Variants in CYTH1 observed in about 807,000 individuals in gnomAD.
The protein encoded by CYTH1 is cytohesin-1.
CYTH1 carries 18 observed loss-of-function variants against 61.8 expected under a neutral mutation model. The ratio of observed to expected loss-of-function variants is 0.29; its 90% CI spans 0.20 to 0.43. The LOEUF (loss-of-function observed/expected upper bound fraction) is 0.43. Ranked by LOEUF, CYTH1 falls within the 20% of genes least tolerant of loss-of-function variation. The probability of loss-of-function intolerance (pLI) is 1.00; values close to 1 mark genes in which losing one functional copy is unlikely to be tolerated. For missense variants in CYTH1, 336 were observed against 510.5 expected (o/e 0.66, Z 3.29); for synonymous variants, 174 against 184.3 (o/e 0.94, Z 0.45).
At chr17:78,726,375 A>T (rs1019839297) in intron 1 of CYTH1, among the ~76,000 whole-genome samples, 1 of 151,984 alleles carries the variant, frequency 6.6e-6, no homozygotes, top group Non-Finnish European at 1.5e-5. Flanking sequence ...CTGCATGGAA[A>T]CGAGGCCCCC....
intron 1 of CYTH1, among the ~76,000 whole-genome samples, chr17:78,769,950 C>T (rs1010544785): frequency 1.1e-4 from 16 of 151,750 alleles, no homozygotes; most frequent in East Asian, 1.9e-4. Flanking sequence ...AGGAGATAGA[C>T]GCCATCCTGG....
chr17:78,759,844 A>G (rs2093415116), intron 1 of CYTH1, among the ~76,000 whole-genome samples: 1 of 152,214 alleles, frequency 6.6e-6, no homozygotes, highest in Non-Finnish European at 1.5e-5. Flanking sequence ...CTCAAGCCAG[A>G]GCCTGCCTGT....
chr17:78,728,151 C>T (rs1480737360), intron 1 of CYTH1, among the ~76,000 whole-genome samples: 2 of 152,212 alleles, frequency 1.3e-5, no homozygotes, highest in African/African-American at 4.8e-5. Flanking sequence ...GCCAGCCTCT[C>T]ATCTAGACAG....
chr17:78,778,788 T>C (rs1195234417), intron 1 of CYTH1, among the ~76,000 whole-genome samples: 3 of 151,812 alleles, frequency 2.0e-5, no homozygotes, highest in Non-Finnish European at 4.4e-5. Context: ...TAAAAAATAA[T>C]AATAATAAAA....
At chr17:78,701,481 G>A (rs536029568) in intron 6 of CYTH1, among the ~76,000 whole-genome samples, 190 bp downstream of exon 6, 9 of 152,300 alleles carry the variant, frequency 5.9e-5, no homozygotes, top group Non-Finnish European at 1.0e-4. Flanking sequence ...GAACGTAACA[G>A]AATTGAATTC....
At chr17:78,716,359 C>A (rs951456201) in intron 1 of CYTH1, among the ~76,000 whole-genome samples, 2 of 152,120 alleles carry the variant, frequency 1.3e-5, no homozygotes, top group African/African-American at 4.8e-5. Flanking sequence ...AAACAAAAGA[C>A]TAAAAATGTA....
chr17:78,697,185 T>C (rs571869636), intron 9 of CYTH1, among the ~76,000 whole-genome samples: 27 of 152,252 alleles, frequency 1.8e-4, no homozygotes, highest in African/African-American at 6.0e-4. Context: ...GTGTCAGTAA[T>C]GACCAAGAGA....
In CYTH1 at chr17:78,681,062, A is replaced by ATCTCTTCCTCTC; in HGVS notation, c.892-21_892-20insGAGAGGAAGAGA. On this transcript the variant is annotated intron_variant, in intron 11 of 13. Transcript: ENST00000446868. The stretch of plus-strand genomic sequence containing the variant: ...CTTATCCTACAGAACAGTTGAAGAG[A>ATCTCTTCCTCTC]GGAAGTTTAAGATCACAGTTTAAGG... The ATCTCTTCCTCTC allele has an allele frequency of 6.2e-7, 1 of 1,609,934 alleles. No homozygotes were observed. The highest frequency in any genetic ancestry group is 8.5e-7 in the Non-Finnish European group (1 of 1,178,462).
intron 1 of CYTH1, among the ~76,000 whole-genome samples, chr17:78,747,183 T>C (rs990434045): frequency 7.7e-6 from 1 of 129,594 alleles, no homozygotes; most frequent in East Asian, 2.3e-4. Flanking sequence ...AAAAACTACA[T>C]GGCATGCTAA....
intron 1 of CYTH1, among the ~76,000 whole-genome samples, chr17:78,743,059 G>A (rs11658134): frequency 0.4 from 60,510 of 151,856 alleles, 14,374 homozygotes; most frequent in Non-Finnish European, 0.52. Context: ...TTACTTAAAA[G>A]TATTCCTTGG....
intron 1 of CYTH1, among the ~76,000 whole-genome samples, chr17:78,776,085 G>A (rs948956296): frequency 2.6e-5 from 4 of 152,134 alleles, no homozygotes; most frequent in African/African-American, 9.7e-5. Flanking sequence ...AACCCAGGAG[G>A]CAGAAGTTGC....
chr17:78,748,518 T>C (rs982686393), intron 1 of CYTH1, among the ~76,000 whole-genome samples: 3 of 152,230 alleles, frequency 2.0e-5, no homozygotes, highest in Admixed American at 6.5e-5. Context: ...TAAATACAAT[T>C]GATCTTTCTA....
Position 78,699,476 on chromosome 17 carries a change from G to A in CYTH1, c.551-508C>T, listed in dbSNP as rs139909375. Among the ~76,000 whole-genome samples the A allele has an allele frequency of 1.5e-4, 23 of 152,086 alleles. No homozygotes were observed. In the East Asian group the frequency reaches 1.9e-3, roughly 13 times the overall value. Reference sequence around the variant, plus strand: ...AGCAAGGCACGAAAAAGTATATAAAGTATTCAAGACTTAAAGCTGTTTATT... The same window carrying A: ...AGCAAGGCACGAAAAAGTATATAAAATATTCAAGACTTAAAGCTGTTTATT... On this transcript the variant is annotated intron_variant, in intron 7 of 13. Coordinates refer to ENST00000446868, the MANE Select transcript of CYTH1 (RefSeq NM_004762.6).
At chr17:78,680,932 C>G (rs1226961153) in intron 12 of CYTH1, 39 bp downstream of exon 12, 10 of 1,596,594 alleles carry the variant, frequency 6.3e-6, no homozygotes, top group Non-Finnish European at 8.6e-6. Flanking sequence ...AATGCCCATC[C>G]CCTTTCTCCC....
intron 2 of CYTH1, chr17:78,708,925 T>C (rs1449199882): frequency 6.6e-6 from 1 of 152,320 alleles, no homozygotes; most frequent in Non-Finnish European, 1.5e-5. Flanking sequence ...GTCAAGTCTT[T>C]CCTCATTTTG....
At chr17:78,679,972 G>A (rs550595001) in intron 13 of CYTH1, among the ~76,000 whole-genome samples, 1 of 152,314 alleles carries the variant, frequency 6.6e-6, no homozygotes, top group South Asian at 2.1e-4. Context: ...AGGACACGTG[G>A]GGAACCCAGA....
chr17:78,752,011 C>T (rs534624942), intron 1 of CYTH1, among the ~76,000 whole-genome samples: 10 of 152,334 alleles, frequency 6.6e-5, no homozygotes, highest in Non-Finnish European at 1.5e-4. Context: ...GCTGGGATAA[C>T]AGGCGTGAGC....
intron 3 of CYTH1, among the ~76,000 whole-genome samples, chr17:78,704,429 A>G (rs1428220331): frequency 1.3e-5 from 2 of 152,196 alleles, no homozygotes; most frequent in African/African-American, 4.8e-5. Context: ...AAAATCATAA[A>G]ATGTTATTGC....
intron 1 of CYTH1, among the ~76,000 whole-genome samples, chr17:78,768,865 A>T (rs2093459379): frequency 6.6e-6 from 1 of 152,126 alleles, no homozygotes; most frequent in Non-Finnish European, 1.5e-5. Context: ...AAATAAAAAT[A>T]AAAAAAAGAA....
Sources: allele counts gnomAD v4.1 joint callset (sites outside exome capture counted in the v4.1 genomes callset), GRCh38; gene constraint gnomAD v4.1.1; transcripts MANE v1.5; gene names NCBI Gene and HGNC (gene_info 2026-07-23, HGNC 2026-07-21).